PTPN4: variants seen among roughly 807,000 people sequenced by gnomAD.
PTPN4 encodes protein tyrosine phosphatase non-receptor type 4, also known as tyrosine-protein phosphatase non-receptor type 4.
In PTPN4, 49 loss-of-function variants were observed where a neutral mutation model predicts 135.5. The ratio of observed to expected loss-of-function variants is 0.36; its 90% CI spans 0.29 to 0.46. The LOEUF is 0.46. Ranked by LOEUF, PTPN4 falls within the 20% of genes least tolerant of loss-of-function variation. The pLI, the probability that PTPN4 is intolerant of heterozygous loss-of-function variation, is 1.00. For synonymous variants in PTPN4, 333 were observed against 369.9 expected, an observed-to-expected ratio of 0.90 and a Z score of 1.14; for missense variants, 860 against 1,101.0, an observed-to-expected ratio of 0.78 and a Z score of 3.10.
intron 9 of PTPN4, among the ~76,000 whole-genome samples, chr2:119,894,455 G>C (rs2105010810): frequency 6.6e-6 from 1 of 152,190 alleles, no homozygotes; most frequent in East Asian, 1.9e-4. Flanking sequence ...CTTTATGAAA[G>C]CATAAATAGG....
At chr2:119,827,573 G>T (rs912051507) in intron 2 of PTPN4, among the ~76,000 whole-genome samples, 1 of 152,168 alleles carries the variant, frequency 6.6e-6, no homozygotes. Context: ...ATACAATAAA[G>T]AACAAATCTT....
chr2:119,793,846 G>GTTTTTTTTTTTTT lies in PTPN4; in HGVS notation c.-17-15974_-17-15962dup, dbSNP rs55956611. ...AGTTTGTTTATTTGTTTCATTTTTA[G>GTTTTTTTTTTTTT]TTTTTTTTTTTTTTTTTTTTTTTTT... On this transcript the variant is annotated intron_variant, in intron 1 of 26. Transcript: ENST00000263708. 3.2e-4 allele frequency among the ~76,000 whole-genome samples: 8 copies of GTTTTTTTTTTTTT among 24,800 alleles called. 1 individual carries two copies. The highest frequency in any genetic ancestry group is 1.5e-3 in the African/African-American group (8 of 5,410). The allele number at this position is 24,800 out of a possible 152,430, so 16.3% of individuals were successfully genotyped here.
chr2:119,970,946 T>G (rs751754542), intron 26 of PTPN4, among the ~76,000 whole-genome samples: 4 of 152,256 alleles, frequency 2.6e-5, no homozygotes, highest in Non-Finnish European at 4.4e-5. Context: ...CACATCATCA[T>G]CAACACGTGT....
At chr2:119,845,256 G>GGGGGA (rs1677476592) in intron 2 of PTPN4, among the ~76,000 whole-genome samples, 1 of 100,690 alleles carries the variant, frequency 9.9e-6, no homozygotes, top group African/African-American at 3.5e-5. Context: ...GGGAGGGGGA[G>GGGGGA]GGGGAGGGGG....
At chr2:119,956,699 A>C in intron 20 of PTPN4, 145 bp from the exon 21 acceptor site, 1 of 1,356,954 alleles carries the variant, frequency 7.4e-7, no homozygotes, top group Non-Finnish European at 9.9e-7. Context: ...TCAGTACTCT[A>C]CTAGACTATG....
intron 2 of PTPN4, among the ~76,000 whole-genome samples, chr2:119,847,315 C>CACACACACACAT (rs1377379334): frequency 1.1e-5 from 1 of 94,498 alleles, no homozygotes; most frequent in East Asian, 2.8e-4. Context: ...CACACACACA[C>CACACACACACAT]ATATATATAT....
chr2:119,945,558 C>G (rs1679120415), intron 16 of PTPN4, among the ~76,000 whole-genome samples: 2 of 151,910 alleles, frequency 1.3e-5, no homozygotes, highest in South Asian at 4.2e-4. Context: ...CTGAACAAAC[C>G]TGCATGTTGT....
At position 119,980,428 on chromosome 2, in the gene PTPN4, G is replaced by A. The variant is rs553175253; in HGVS notation, c.*3358G>A. On this transcript the variant is annotated 3_prime_UTR_variant, in exon 27 of 27. Transcript: ENST00000263708. Reference sequence around the variant, plus strand: ...AAGTACTGCAGCTTGAGAGCTGAAAGGAACTTGAAAAATGTTATCCAGTCT... The same window carrying A: ...AAGTACTGCAGCTTGAGAGCTGAAAAGAACTTGAAAAATGTTATCCAGTCT... 1 of 152,002 alleles carries A rather than the reference G, an allele frequency of 6.6e-6. No individual in the cohort carries two copies. Among genetic ancestry groups the A allele is most frequent in the Non-Finnish European group, 1.5e-5 (1 of 67,904 alleles). 9.4% of individuals were successfully genotyped at this position (152,002 alleles called of 1,614,324 possible).
chr2:119,817,688 C>T (rs1179212269), intron 2 of PTPN4, among the ~76,000 whole-genome samples: 1 of 152,148 alleles, frequency 6.6e-6, no homozygotes, highest in Non-Finnish European at 1.5e-5. Flanking sequence ...ATAGTTTTCT[C>T]TAGTTCTTTG....
intron 19 of PTPN4, among the ~76,000 whole-genome samples, chr2:119,953,264 T>C (rs558497120): frequency 1.3e-4 from 20 of 152,334 alleles, no homozygotes; most frequent in African/African-American, 4.6e-4. Context: ...CACTTGAATA[T>C]GTACCATAGG....
intron 8 of PTPN4, among the ~76,000 whole-genome samples, chr2:119,882,916 A>G (rs1678101105): frequency 6.6e-6 from 1 of 152,188 alleles, no homozygotes; most frequent in Non-Finnish European, 1.5e-5. Context: ...GTCACAATAT[A>G]GAGATCAGTC....
At chr2:119,762,040 CTTTAAA>C (rs1205786409) in intron 1 of PTPN4, among the ~76,000 whole-genome samples, 1 of 152,056 alleles carries the variant, frequency 6.6e-6, no homozygotes, top group African/African-American at 2.4e-5. Context: ...AACATTGTTA[CTTTAAA>C]TTTATAACAC....
intron 12 of PTPN4, among the ~76,000 whole-genome samples, chr2:119,924,773 T>C (rs1187009305): frequency 1.3e-5 from 2 of 152,154 alleles, no homozygotes; most frequent in African/African-American, 2.4e-5. Context: ...TTTTGAGTAA[T>C]AGTATCCCAT....
At chr2:119,763,323 T>C (rs936376572) in intron 1 of PTPN4, among the ~76,000 whole-genome samples, 1 of 152,060 alleles carries the variant, frequency 6.6e-6, no homozygotes, top group African/African-American at 2.4e-5. Context: ...TCAATTTGGG[T>C]TGGTTATTGT....
chr2:119,946,094 C>G (rs1679128959), intron 16 of PTPN4, among the ~76,000 whole-genome samples: 1 of 152,002 alleles, frequency 6.6e-6, no homozygotes, highest in African/African-American at 2.4e-5. Flanking sequence ...AGACATGGCC[C>G]CTGTTCCTCC....
At chr2:119,962,213 G>A (rs1679375807) in intron 23 of PTPN4, among the ~76,000 whole-genome samples, 1 of 152,126 alleles carries the variant, frequency 6.6e-6, no homozygotes. Context: ...CCAGCACTTT[G>A]GGAGACGGAG....
chr2:119,810,358 A>C (rs1004122560), intron 2 of PTPN4, among the ~76,000 whole-genome samples: 2 of 152,216 alleles, frequency 1.3e-5, no homozygotes, highest in African/African-American at 2.4e-5. Flanking sequence ...AATTTTTGCC[A>C]AACAAAAATA....
intron 23 of PTPN4, among the ~76,000 whole-genome samples, chr2:119,961,805 G>T (rs1679370173): frequency 1.3e-5 from 2 of 152,176 alleles, no homozygotes; most frequent in Non-Finnish European, 2.9e-5. Context: ...GTGTATGATT[G>T]CATTTATATG....
chr2:119,946,764 C>T (rs1257750538), intron 18 of PTPN4, 190 bp downstream of exon 18: 10 of 482,200 alleles, frequency 2.1e-5, no homozygotes, highest in South Asian at 3.7e-5. Flanking sequence ...ATTTAAAATC[C>T]CTGTTTTTAT....
Sources: allele counts gnomAD v4.1 joint callset (sites outside exome capture counted in the v4.1 genomes callset), GRCh38; gene constraint gnomAD v4.1.1; transcripts MANE v1.5; gene names NCBI Gene and HGNC (gene_info 2026-07-23, HGNC 2026-07-21).